XPR1: variants seen among roughly 807,000 people sequenced by gnomAD.
The protein encoded by XPR1 is xenotropic and polytropic retrovirus receptor 1.
XPR1 carries 28 observed loss-of-function variants against 87.5 expected under a neutral mutation model. That is an observed-to-expected ratio of 0.32 (90% CI 0.24 to 0.44). The LOEUF (loss-of-function observed/expected upper bound fraction) is 0.44, where lower values mean the gene tolerates loss of function less well. XPR1 is among the 20% of genes least tolerant of loss of function. The probability of loss-of-function intolerance (pLI) is 1.00; values close to 1 mark genes in which losing one functional copy is unlikely to be tolerated. For synonymous variants in XPR1, 300 were observed against 306.1 expected (o/e 0.98, Z 0.21); for missense variants, 559 against 862.3 (o/e 0.65, Z 4.41).
intron 1 of XPR1, among the ~76,000 whole-genome samples, chr1:180,666,960 G>C (rs1655983206): frequency 2.0e-5 from 3 of 151,590 alleles, no homozygotes; most frequent in Admixed American, 1.3e-4. Flanking sequence ...CTGTCACCCA[G>C]GCTGGAGTGC....
chr1:180,814,324 A>G (rs1169510362), intron 7 of XPR1, among the ~76,000 whole-genome samples: 1 of 152,194 alleles, frequency 6.6e-6, no homozygotes, highest in Non-Finnish European at 1.5e-5. Flanking sequence ...TTATAATCAT[A>G]TTTTAATCTG....
At chr1:180,732,062 G>A (rs939955303) in intron 2 of XPR1, among the ~76,000 whole-genome samples, 2 of 152,068 alleles carry the variant, frequency 1.3e-5, no homozygotes, top group Non-Finnish European at 2.9e-5. Flanking sequence ...GCGTGGTCAC[G>A]TGTGCCTCTA....
chr1:180,660,781 G>GTGCT (rs1655743455), intron 1 of XPR1, among the ~76,000 whole-genome samples: 1 of 152,214 alleles, frequency 6.6e-6, no homozygotes, highest in African/African-American at 2.4e-5. Flanking sequence ...GTCTATCCTT[G>GTGCT]AGAATGATCC....
chr1:180,760,468 T>C (rs1394171539), intron 2 of XPR1, among the ~76,000 whole-genome samples: 1 of 152,014 alleles, frequency 6.6e-6, no homozygotes, highest in Non-Finnish European at 1.5e-5. Context: ...TATACACCAA[T>C]AACAGACAAA....
At chr1:180,675,947 C>T (rs1017382206) in intron 1 of XPR1, among the ~76,000 whole-genome samples, 3 of 152,092 alleles carry the variant, frequency 2.0e-5, no homozygotes, top group African/African-American at 7.2e-5. Flanking sequence ...AAATATAGGG[C>T]CTCTTAATCA....
At chr1:180,815,361 C>G (rs995242620) in intron 7 of XPR1, among the ~76,000 whole-genome samples, 1 of 151,828 alleles carries the variant, frequency 6.6e-6, no homozygotes, top group African/African-American at 2.4e-5. Flanking sequence ...ACTTCAGAAC[C>G]CTTCTTTGTT....
chr1:180,804,843 A>G (rs1004673156), intron 4 of XPR1, among the ~76,000 whole-genome samples: 6 of 152,158 alleles, frequency 3.9e-5, no homozygotes, highest in African/African-American at 1.4e-4. Flanking sequence ...TCATCGCTTT[A>G]TAATTTAAAA....
chr1:180,672,456 A>C (rs911139637), intron 1 of XPR1, among the ~76,000 whole-genome samples: 1 of 152,162 alleles, frequency 6.6e-6, no homozygotes, highest in African/African-American at 2.4e-5. Flanking sequence ...AAAGCTAAGT[A>C]AGTTTATTTG....
intron 2 of XPR1, among the ~76,000 whole-genome samples, chr1:180,684,461 G>A (rs1420850444): frequency 6.6e-6 from 1 of 152,124 alleles, no homozygotes; most frequent in Non-Finnish European, 1.5e-5. Flanking sequence ...GGATTGACTT[G>A]GCGATGCGGG....
chr1:180,847,669 A>G (rs1651730379), intron 11 of XPR1, among the ~76,000 whole-genome samples: 1 of 152,204 alleles, frequency 6.6e-6, no homozygotes, highest in African/African-American at 2.4e-5. Context: ...CATGCAAAAT[A>G]TTAGGGAAGG....
At chr1:180,717,809 A>G (rs2101993035) in intron 2 of XPR1, among the ~76,000 whole-genome samples, 1 of 152,312 alleles carries the variant, frequency 6.6e-6, no homozygotes, top group East Asian at 1.9e-4. Context: ...GAAATTGGCA[A>G]ACCTGCCCAC....
chr1:180,853,194 C>T (rs1281769695), intron 11 of XPR1, among the ~76,000 whole-genome samples: 1 of 152,310 alleles, frequency 6.6e-6, no homozygotes, highest in South Asian at 2.1e-4. Context: ...TCCCAAATTA[C>T]TGGGATTATA....
chr1:180,714,842 C>A (rs1346912321), intron 2 of XPR1, among the ~76,000 whole-genome samples: 1 of 145,570 alleles, frequency 6.9e-6, no homozygotes, highest in Non-Finnish European at 1.5e-5. Flanking sequence ...TGTTGTTTGG[C>A]AATTTTAATC....
chr1:180,813,046 C>CG (rs201278750), intron 7 of XPR1, among the ~76,000 whole-genome samples: 2 of 145,784 alleles, frequency 1.4e-5, no homozygotes, highest in Non-Finnish European at 3.0e-5. Context: ...TTTTTCCCCC[C>CG]CCCCAATGGA....
chr1:180,680,897 T>C (rs1213223833), intron 1 of XPR1, among the ~76,000 whole-genome samples: 1 of 152,186 alleles, frequency 6.6e-6, no homozygotes, highest in Non-Finnish European at 1.5e-5. Context: ...TGAAATTCTA[T>C]CATTTGTGAC....
intron 2 of XPR1, among the ~76,000 whole-genome samples, chr1:180,746,548 TTTGTA>T (rs1647262127): frequency 6.6e-6 from 1 of 152,224 alleles, no homozygotes; most frequent in Non-Finnish European, 1.5e-5. Context: ...CTTCCGTATC[TTTGTA>T]GTTGTGCTGC....
At chr1:180,804,970 T>C (rs1370362874) in intron 4 of XPR1, among the ~76,000 whole-genome samples, 1 of 152,222 alleles carries the variant, frequency 6.6e-6, no homozygotes, top group Non-Finnish European at 1.5e-5. Flanking sequence ...TTTTATTGTA[T>C]TAACTTTCCT....
intron 2 of XPR1, among the ~76,000 whole-genome samples, chr1:180,715,652 G>A (rs1428067973): frequency 6.6e-6 from 1 of 152,002 alleles, no homozygotes; most frequent in African/African-American, 2.4e-5. Flanking sequence ...AAGAGTTACA[G>A]AGAAGTTGTT....
Position 180,885,613 on chromosome 1 carries a change from G to A in XPR1, c.*1547G>A, listed in dbSNP as rs1652985497. 1 of 152,184 alleles carries A rather than the reference G, an allele frequency of 6.6e-6. No individual in the cohort carries two copies. The highest frequency in any genetic ancestry group is 2.4e-5 in the African/African-American group (1 of 41,444). 9.4% of individuals were successfully genotyped at this position (152,184 alleles called of 1,614,324 possible). ...TATAAATTCCAGGACATGGTAAAAT[G>A]TGTTTTAATAACCCCCAGACCCAAA... is the stretch of plus-strand genomic sequence containing the variant. On this transcript the variant is annotated 3_prime_UTR_variant, in exon 15 of 15. Transcript: ENST00000367590.
Sources: allele counts gnomAD v4.1 joint callset (sites outside exome capture counted in the v4.1 genomes callset), GRCh38; gene constraint gnomAD v4.1.1; transcripts MANE v1.5; gene names NCBI Gene and HGNC (gene_info 2026-07-23, HGNC 2026-07-21).